Variants in TIMM21 observed in about 807,000 individuals in gnomAD.
The protein encoded by TIMM21 is translocase of inner mitochondrial membrane 21, also known as mitochondrial import inner membrane translocase subunit Tim21.
In TIMM21, 30 loss-of-function variants were observed where a neutral mutation model predicts 27.7. The ratio of observed to expected loss-of-function variants is 1.08; its 90% CI spans 0.81 to 1.47. The LOEUF (loss-of-function observed/expected upper bound fraction) is 1.47, where lower values mean the gene tolerates loss of function less well. Among genes scored for constraint, TIMM21 ranks in the 40% most tolerant of loss-of-function variants. TIMM21 has a pLI of 0.00. For synonymous variants in TIMM21, 121 were observed against 114.4 expected, an observed-to-expected ratio of 1.06 and a Z score of -0.37; for missense variants, 292 against 302.9, an observed-to-expected ratio of 0.96 and a Z score of 0.27.
chr18:74,155,386 T>G lies in TIMM21; in HGVS notation c.445T>G (p.Cys149Gly), dbSNP rs778132407. 3.1e-6 allele frequency: 5 copies of G among 1,611,788 alleles called. No individual in the cohort carries two copies. In the South Asian group the frequency reaches 5.5e-5, roughly 18 times the overall value. ...GATATATGGGAGAGCCTTAGAAAAA[T>G]GCAGATCACATCCTGAGGTTAGTTC... ...SKIYGRALEK[C>G]RSHPEVIGVF... The change falls in exon 3 of 6, where the codon TGC becomes GGC. Residue 149 changes from cysteine (C) to glycine (G), a missense_variant. Physicochemically the swap from Cys to Gly is radical, Grantham distance 159. Coordinates refer to ENST00000169551, the MANE Select transcript of TIMM21 (RefSeq NM_014177.3).
At chr18:74,153,530 A>G (rs1159389282) in intron 1 of TIMM21, among the ~76,000 whole-genome samples, 1 of 152,218 alleles carries the variant, frequency 6.6e-6, no homozygotes, top group African/African-American at 2.4e-5. Flanking sequence ...ATTTTGTGAC[A>G]CTGAGAGTGG....
Position 74,148,838 on chromosome 18 carries a change from G to A in TIMM21, c.30G>A (p.Gln10=), listed in dbSNP as rs34193726. ...TTTGTACTTTTCTACGAGCCGTACA[G>A]TATACGGAGAAGCTGCACAGGTCCT... MICTFLRAV[Q]YTEKLHRSSA... The change falls in exon 1 of 6, where the codon CAG becomes CAA. Residue 10 remains glutamine, a synonymous_variant. Transcript: ENST00000169551. 1,728 of 1,613,646 alleles carry A rather than the reference G, an allele frequency of 1.1e-3. 1 individual carries two copies. The highest frequency in any genetic ancestry group is 1.7e-3 in the Middle Eastern group (10 of 6,056).
rs59810027 is a variant in TIMM21 at position 74,151,949 on chromosome 18, C to CG, written c.301+2846dup. On this transcript the variant is annotated intron_variant, in intron 1 of 5. Transcript: ENST00000169551. ...GTGGTGTCTATGTTCCCCCCCCCCC[C>CG]GGGGGGACCTCCAGCTCCTTCCGAG... Among the ~76,000 whole-genome samples, 26 of 143,830 alleles carry CG rather than the reference C, an allele frequency of 1.8e-4. 1 individual carries two copies. The highest frequency in any genetic ancestry group is 3.5e-4 in the Non-Finnish European group (23 of 65,834). 94.4% of individuals were successfully genotyped at this position (143,830 alleles called of 152,430 possible). A position where few individuals can be genotyped will look rare whatever the true frequency, so the allele number is the denominator to read the frequency against.
At chr18:74,150,188 C>A (rs1357044801) in intron 1 of TIMM21, among the ~76,000 whole-genome samples, 1 of 152,164 alleles carries the variant, frequency 6.6e-6, no homozygotes, top group Non-Finnish European at 1.5e-5. Context: ...AACACACTTG[C>A]CACTTGTTAC....
chr18:74,159,413 A>G lies in TIMM21; in HGVS notation c.*933A>G, dbSNP rs1053314180. On this transcript the variant is annotated 3_prime_UTR_variant, in exon 6 of 6. Transcript: ENST00000169551. ...CTATGTGCATTGGGAGGGGTCTAGA[A>G]CCATGTTTATCTGCGGTGGCTTCAG... The G allele has an allele frequency of 6.6e-6, 1 of 151,990 alleles. No individual in the cohort carries two copies. The highest frequency in any genetic ancestry group is 6.6e-5 in the Admixed American group (1 of 15,252). The allele number at this position is 151,990 out of a possible 1,614,324, so 9.4% of individuals were successfully genotyped here. A position where few individuals can be genotyped will look rare whatever the true frequency, so the allele number is the denominator to read the frequency against.
chr18:74,154,619 G>A (rs1979900598), intron 1 of TIMM21, among the ~76,000 whole-genome samples: 1 of 152,152 alleles, frequency 6.6e-6, no homozygotes, highest in Non-Finnish European at 1.5e-5. Flanking sequence ...TAACCCATAT[G>A]CACATATTTT....
rs150009157 is a variant in TIMM21 at position 74,158,158 on chromosome 18, G to C, written c.537-13G>C. The C allele has an allele frequency of 6.2e-7, 1 of 1,613,914 alleles. No homozygotes were observed. The highest frequency in any genetic ancestry group is 2.2e-5 in the East Asian group (1 of 44,872). On this transcript the variant is annotated splice_polypyrimidine_tract_variant and intron_variant, in intron 4 of 5. Transcript: ENST00000169551. ...TGAAAGGAACTTAGACTGATCTTTC[G>C]TTTTCTCGACAGGTTCACTGAATAT...
Position 74,158,786 on chromosome 18 carries a change from A to T in TIMM21, c.*306A>T, listed in dbSNP as rs1980028834. On this transcript the variant is annotated 3_prime_UTR_variant, in exon 6 of 6. Transcript: ENST00000169551. ...CATGTAAATAAAGGAAATAGATTTT[A>T]GTATTGTATTCATTTTATATTATAG... The T allele has an allele frequency of 3.6e-6, 1 of 278,274 alleles. No homozygotes were observed. Among genetic ancestry groups the T allele is most frequent in the Admixed American group, 5.1e-5 (1 of 19,586 alleles). The allele number at this position is 278,274 out of a possible 1,614,324, so 17.2% of individuals were successfully genotyped here.
intron 1 of TIMM21, among the ~76,000 whole-genome samples, chr18:74,150,848 T>A (rs1348361832): frequency 6.6e-6 from 1 of 152,194 alleles, no homozygotes; most frequent in Non-Finnish European, 1.5e-5. Flanking sequence ...ACTCTGCCAT[T>A]CCCCATAGAT....
chr18:74,157,480 G>T (rs1180255346), intron 3 of TIMM21: 1 of 154,310 alleles, frequency 6.5e-6, no homozygotes, highest in Non-Finnish European at 1.4e-5. Flanking sequence ...ACACCATAAA[G>T]CTACCTATTT....
At chr18:74,151,949 C>CCG (rs1979821276) in intron 1 of TIMM21, among the ~76,000 whole-genome samples, 2 of 143,830 alleles carry the variant, frequency 1.4e-5, no homozygotes, top group African/African-American at 2.7e-5. Flanking sequence ...CCCCCCCCCC[C>CCG]GGGGGGACCT....
At position 74,148,847 on chromosome 18, in the gene TIMM21, G is replaced by A. The variant is rs1486495262; in HGVS notation, c.39G>A (p.Glu13=). The A allele has an allele frequency of 6.2e-7, 1 of 1,613,928 alleles. No individual in the cohort carries two copies. The highest frequency in any genetic ancestry group is 2.2e-5 in the East Asian group (1 of 44,858). The change falls in exon 1 of 6, where the codon GAG becomes GAA. Residue 13 remains glutamate (E), a synonymous_variant. Coordinates refer to ENST00000169551, the MANE Select transcript of TIMM21 (RefSeq NM_014177.3). ...TTCTACGAGCCGTACAGTATACGGA[G>A]AAGCTGCACAGGTCCTCGGCAAAGC... ...CTFLRAVQYT[E]KLHRSSAKRL...
At chr18:74,156,328 T>A (rs1417540708) in intron 3 of TIMM21, 1 of 398,514 alleles carries the variant, frequency 2.5e-6, no homozygotes, top group Non-Finnish European at 4.4e-6. Context: ...GCGTGCTCAG[T>A]ATAGAGCCCG....
At position 74,154,992 on chromosome 18, in the gene TIMM21, C is replaced by T. The variant is rs527519286; in HGVS notation, c.302-153C>T. On this transcript the variant is annotated intron_variant, in intron 1 of 5. Coordinates refer to ENST00000169551, the MANE Select transcript of TIMM21 (RefSeq NM_014177.3). The stretch of plus-strand genomic sequence containing the variant: ...AGAATTCTGCTGAGGCGCTGACACA[C>T]AGGGAGTTTTCAAAACAGCTGCCCC... 4.5e-6 allele frequency: 3 copies of T among 673,256 alleles called. No individual in the cohort carries two copies. In the East Asian group the frequency reaches 7.7e-5, roughly 17 times the overall value. The allele number at this position is 673,256 out of a possible 1,614,324, so 41.7% of individuals were successfully genotyped here.
chr18:74,151,937 T>TCTCCG (rs1555682293), intron 1 of TIMM21, among the ~76,000 whole-genome samples: 18 of 94,276 alleles, frequency 1.9e-4, no homozygotes, highest in African/African-American at 1.1e-3. Flanking sequence ...GTGTCTATGT[T>TCTCCG]CCCCCCCCCC....
At chr18:74,149,205 C>A in intron 1 of TIMM21, 96 bp downstream of exon 1, 1 of 1,362,890 alleles carries the variant, frequency 7.3e-7, no homozygotes. Flanking sequence ...GGTGAAAAAG[C>A]AATTCACATG....
intron 3 of TIMM21, 127 bp downstream of exon 3, chr18:74,155,530 C>T (rs1366287757): frequency 1.5e-5 from 11 of 746,030 alleles, no homozygotes; most frequent in Admixed American, 3.0e-5. Context: ...ACATAATGGT[C>T]GAGTCATCAT....
In TIMM21 at chr18:74,152,953, T is replaced by C. The variant is rs1180057606; in HGVS notation, c.302-2192T>C. Among the ~76,000 whole-genome samples, 1 of 152,130 alleles carries C rather than the reference T, an allele frequency of 6.6e-6. No individual in the cohort carries two copies. The highest frequency in any genetic ancestry group is 1.9e-4 in the East Asian group (1 of 5,178). ...CTTATGCTTCTGCATCAACCAGGCA[T>C]TGAATATGGGCTGGTCCAGGGAAGT... is the stretch of plus-strand genomic sequence containing the variant. On this transcript the variant is annotated intron_variant, in intron 1 of 5. Coordinates refer to ENST00000169551, the MANE Select transcript of TIMM21 (RefSeq NM_014177.3). The surrounding 1 kb of genome is among the most constrained non-coding windows in gnomAD (Gnocchi z 4.1).
rs748994093 is a variant in TIMM21, at chr18:74,155,380, G to A, written c.439G>A (p.Glu147Lys). The A allele has an allele frequency of 3.7e-6, 6 of 1,611,838 alleles. No homozygotes were observed. Among genetic ancestry groups the A allele is most frequent in the Non-Finnish European group, 5.1e-6 (6 of 1,179,524 alleles). The change falls in exon 3 of 6, where the codon GAA (glutamate) becomes AAA (lysine). Residue 147 changes from glutamate to lysine, a missense_variant. By Grantham distance (56) the Glu-to-Lys change is moderately conservative. Coordinates refer to ENST00000169551, the MANE Select transcript of TIMM21 (RefSeq NM_014177.3). ...SPSKIYGRAL[E>K]KCRSHPEVIG... ...TAGCAAGATATATGGGAGAGCCTTA[G>A]AAAAATGCAGATCACATCCTGAGGT... is the stretch of plus-strand genomic sequence containing the variant.
Sources: allele counts gnomAD v4.1 joint callset (sites outside exome capture counted in the v4.1 genomes callset), GRCh38; gene constraint gnomAD v4.1.1; non-coding constraint Gnocchi (gnomAD v3.1); transcripts MANE v1.5; gene names NCBI Gene and HGNC (gene_info 2026-07-23, HGNC 2026-07-21).